The following RAD51B variants were observed in gnomAD, a reference collection of about 807,000 sequenced individuals.
RAD51B encodes RAD51 paralog B.
Under a neutral mutation model 42.2 loss-of-function variants are expected in RAD51B, and 38 were observed. That is an observed-to-expected ratio of 0.90 (90% confidence interval 0.70 to 1.18). RAD51B has a LOEUF of 1.18. Ranked by LOEUF, RAD51B falls within the 50% of genes most tolerant of loss-of-function variation. The pLI is 0.00. For missense variants in RAD51B, 373 were observed against 400.7 expected (o/e 0.93, Z 0.59); for synonymous variants, 154 against 145.2 (o/e 1.06, Z -0.43).
At chr14:68,487,903 AT>A (rs1471449362) in intron 10 of RAD51B, among the ~76,000 whole-genome samples, 7 of 152,224 alleles carry the variant, frequency 4.6e-5, no homozygotes, top group African/African-American at 1.4e-4. Context: ...AGCTCAGTTC[AT>A]AACACCTACC....
chr14:67,862,706 C>T (rs184031086), intron 4 of RAD51B, among the ~76,000 whole-genome samples: 16 of 152,202 alleles, frequency 1.1e-4, no homozygotes, highest in African/African-American at 3.6e-4. Context: ...ATTTCAATCA[C>T]CGAATCACAA....
At chr14:68,380,858 G>T (rs1190954444) in intron 8 of RAD51B, among the ~76,000 whole-genome samples, 1 of 152,144 alleles carries the variant, frequency 6.6e-6, no homozygotes. Flanking sequence ...CCCACATAAG[G>T]CAACCTTCAG....
At chr14:68,191,903 A>T (rs758825169) in intron 7 of RAD51B, among the ~76,000 whole-genome samples, 1 of 152,224 alleles carries the variant, frequency 6.6e-6, no homozygotes, top group Non-Finnish European at 1.5e-5. Context: ...GACTGTTCAC[A>T]AATGTTTGGA....
intron 10 of RAD51B, among the ~76,000 whole-genome samples, chr14:68,537,895 T>C (rs1887733572): frequency 6.6e-6 from 1 of 152,220 alleles, no homozygotes; most frequent in African/African-American, 2.4e-5. Flanking sequence ...TTTAATTATG[T>C]AGAAACTGGT....
chr14:68,359,942 C>G (rs935636617), intron 8 of RAD51B, among the ~76,000 whole-genome samples: 2 of 152,210 alleles, frequency 1.3e-5, no homozygotes, highest in African/African-American at 2.4e-5. Flanking sequence ...TGCTTTTAAC[C>G]TTTCTCAGTG....
chr14:67,950,378 C>T (rs1350445364), intron 7 of RAD51B, among the ~76,000 whole-genome samples: 1 of 152,206 alleles, frequency 6.6e-6, no homozygotes, highest in Non-Finnish European at 1.5e-5. Flanking sequence ...TTTCCTTATA[C>T]CTCATGAAGC....
intron 7 of RAD51B, among the ~76,000 whole-genome samples, chr14:67,911,381 C>T (rs538374649): frequency 6.6e-6 from 1 of 152,274 alleles, no homozygotes; most frequent in East Asian, 1.9e-4. Context: ...GTCATATGCA[C>T]ACAAAAGCTG....
At chr14:68,655,685 G>A (rs561414673) in intron 11 of RAD51B, among the ~76,000 whole-genome samples, 6 of 152,210 alleles carry the variant, frequency 3.9e-5, no homozygotes, top group Non-Finnish European at 7.3e-5. Context: ...GGGCACTCTG[G>A]CATACATCTC....
At chr14:67,896,458 A>T (rs2043421697) in intron 7 of RAD51B, among the ~76,000 whole-genome samples, 1 of 152,218 alleles carries the variant, frequency 6.6e-6, no homozygotes, top group Non-Finnish European at 1.5e-5. Flanking sequence ...GTGATCATCA[A>T]GGTGGGAATT....
At chr14:68,351,152 C>A (rs1399333764) in intron 8 of RAD51B, among the ~76,000 whole-genome samples, 2 of 152,118 alleles carry the variant, frequency 1.3e-5, no homozygotes, top group African/African-American at 2.4e-5. Flanking sequence ...ATAAAGCACC[C>A]TAATCCAGAC....
chr14:68,433,801 C>T (rs1342537628), intron 9 of RAD51B, among the ~76,000 whole-genome samples: 2 of 152,230 alleles, frequency 1.3e-5, no homozygotes, highest in Non-Finnish European at 2.9e-5. Flanking sequence ...GAGCTGCGTT[C>T]CTTTGGAGGG....
intron 7 of RAD51B, among the ~76,000 whole-genome samples, chr14:67,999,849 GAT>G (rs1438075224): frequency 6.6e-6 from 1 of 152,112 alleles, no homozygotes; most frequent in Non-Finnish European, 1.5e-5. Flanking sequence ...GTAGGGTTTT[GAT>G]ATGTGTTAGA....
intron 10 of RAD51B, among the ~76,000 whole-genome samples, chr14:68,625,223 T>C (rs1892050412): frequency 2.6e-5 from 4 of 152,108 alleles, no homozygotes; most frequent in Admixed American, 1.3e-4. Flanking sequence ...CCTACACCCA[T>C]GGTCAGCCAA....
chr14:67,948,374 T>C (rs1205666174), intron 7 of RAD51B, among the ~76,000 whole-genome samples: 1 of 152,092 alleles, frequency 6.6e-6, no homozygotes, highest in Non-Finnish European at 1.5e-5. Flanking sequence ...TGGGACAGAG[T>C]AGAAATACTT....
At chr14:68,518,554 GC>G (rs11341781) in intron 10 of RAD51B, among the ~76,000 whole-genome samples, 27,240 of 137,164 alleles carry the variant, frequency 0.2, 3,001 homozygotes, top group Admixed American at 0.26. Flanking sequence ...GGTCATATGA[GC>G]CCCCCCCCCA....
rs1201664663 is a variant in RAD51B at position 68,425,972 on chromosome 14, C to CTTTCTTTCTTTCTTTCTTTCTTTCTTTG, written c.957+14451_957+14452insTCTTTCTTTCTTTCTTTCTTTGTTTCTT. Reference sequence around the variant, plus strand: ...TCTTTCTTTCTTTCTTTCTTTCTTTCTTTCTTCCTTCCTTCCTTCCTTCCT... The same window carrying CTTTCTTTCTTTCTTTCTTTCTTTCTTTG: ...TCTTTCTTTCTTTCTTTCTTTCTTTCTTTCTTTCTTTCTTTCTTTCTTTCTTTGTTTCTTCCTTCCTTCCTTCCTTCCT... On this transcript the variant is annotated intron_variant, in intron 9 of 10. Coordinates refer to ENST00000471583, the MANE Select transcript of RAD51B (RefSeq NM_133510.4). Among the ~76,000 whole-genome samples, 5 of 121,064 alleles carry CTTTCTTTCTTTCTTTCTTTCTTTCTTTG rather than the reference C, an allele frequency of 4.1e-5. No homozygotes were observed. In the East Asian group the frequency reaches 1.1e-3, roughly 27 times the overall value. 79.4% of individuals were successfully genotyped at this position (121,064 alleles called of 152,430 possible).
At chr14:68,419,070 G>C (rs2084631382) in intron 9 of RAD51B, among the ~76,000 whole-genome samples, 1 of 152,154 alleles carries the variant, frequency 6.6e-6, no homozygotes, top group African/African-American at 2.4e-5. Flanking sequence ...TATTCAGTGA[G>C]GGCAGTGCCA....
At chr14:68,555,079 C>G (rs1888766472) in intron 10 of RAD51B, among the ~76,000 whole-genome samples, 1 of 152,130 alleles carries the variant, frequency 6.6e-6, no homozygotes, top group South Asian at 2.1e-4. Flanking sequence ...AACTCCTGAC[C>G]TCGTGATCCG....
At chr14:68,342,847 T>A (rs11627646) in intron 8 of RAD51B, among the ~76,000 whole-genome samples, 73,987 of 151,954 alleles carry the variant, frequency 0.49, 21,238 homozygotes, top group South Asian at 0.65. Flanking sequence ...TTTAGGTGAA[T>A]ACCAATGAGT....
Sources: gnomAD v4.1 joint callset for allele counts (sites outside exome capture counted in the v4.1 genomes callset) on GRCh38, gnomAD v4.1.1 for gene constraint, MANE v1.5 for transcripts, NCBI Gene and HGNC (gene_info 2026-07-23, HGNC 2026-07-21) for gene names.